OTOA: variants seen among roughly 807,000 people sequenced by gnomAD.
OTOA encodes cancer/testis antigen 108.
OTOA carries 70 observed loss-of-function variants against 110.8 expected under a neutral mutation model. That is an observed-to-expected ratio of 0.63 (90% CI 0.52 to 0.77). The LOEUF is 0.77. Ranked by LOEUF, OTOA falls within the 30% of genes least tolerant of loss-of-function variation. The pLI, the probability that OTOA is intolerant of heterozygous loss-of-function variation, is 0.00. For missense variants in OTOA, 917 were observed against 1,075.8 expected, an observed-to-expected ratio of 0.85 and a Z score of 2.06; for synonymous variants, 373 against 431.5, an observed-to-expected ratio of 0.86 and a Z score of 1.68.
Position 21,760,557 on chromosome 16 carries a change from G to A in OTOA, c.*17G>A, listed in dbSNP as rs375088130. On this transcript the variant is annotated 3_prime_UTR_variant, in exon 29 of 29. Transcript: ENST00000646100. ...CTGTGGTGAGTGGCCTGAGCGCATC[G>A]TCCTGTGTTGCCCCAAGCAGCTGGC... The A allele has an allele frequency of 1.8e-3, 2,946 of 1,599,736 alleles. 13 individuals carry two copies. The highest frequency in any genetic ancestry group is 2.5e-3 in the South Asian group (229 of 90,742).
At chr16:21,715,282 C>T (rs1708469630) in intron 14 of OTOA, 130 bp downstream of exon 14, 2 of 1,223,310 alleles carry the variant, frequency 1.6e-6, no homozygotes, top group Non-Finnish European at 2.4e-6. Context: ...TCTGGGGTGG[C>T]TCTGCCTTCT....
chr16:21,707,048 A>G (rs2141683149), intron 12 of OTOA, among the ~76,000 whole-genome samples: 1 of 151,724 alleles, frequency 6.6e-6, no homozygotes, highest in Non-Finnish European at 1.5e-5. Flanking sequence ...TGTTTTTAGT[A>G]GAGATGGGGT....
Position 21,691,628 on chromosome 16 carries a change from C to A in OTOA, c.680C>A (p.Ser227Tyr), listed in dbSNP as rs150595232. 5.3e-5 allele frequency: 86 copies of A among 1,613,860 alleles called. No homozygotes were observed. Among genetic ancestry groups the A allele is most frequent in the Non-Finnish European group, 7.0e-5 (83 of 1,179,936 alleles). ...KDLYDKTSAH[S>Y]QRALYSWMTG... is the part of the protein sequence containing the mutation. ...CTCTACGACAAAACCTCGGCTCATT[C>A]CCAGAGAGCTCTCTATTCCTGGATG... Residue 227 changes from serine (S) to tyrosine (Y), a missense_variant, in exon 9 of 29, where the codon TCC becomes TAC. By Grantham distance (144) the Ser-to-Tyr change is moderately radical. Transcript: ENST00000646100.
At chr16:21,696,091 C>T (rs1369108681) in intron 9 of OTOA, among the ~76,000 whole-genome samples, 4 of 151,254 alleles carry the variant, frequency 2.6e-5, no homozygotes, top group Non-Finnish European at 5.9e-5. Context: ...GATGGGGTTT[C>T]GCCATGTTGA....
chr16:21,669,512 C>A (rs532514386), intron 1 of OTOA, among the ~76,000 whole-genome samples: 129 of 152,268 alleles, frequency 8.5e-4, no homozygotes, highest in African/African-American at 2.9e-3. Context: ...AAAGGCTTCT[C>A]AAGCTTAGTA....
At chr16:21,758,929 G>A (rs1900080081) in intron 28 of OTOA, among the ~76,000 whole-genome samples, 1 of 151,676 alleles carries the variant, frequency 6.6e-6, no homozygotes, top group African/African-American at 2.4e-5. Flanking sequence ...TTGAACACTG[G>A]GGGCAGAGGT....
intron 1 of OTOA, among the ~76,000 whole-genome samples, chr16:21,671,169 G>A (rs1477029545): frequency 2.6e-5 from 4 of 152,118 alleles, no homozygotes; most frequent in Admixed American, 6.5e-5. Flanking sequence ...CTGACTTTGT[G>A]TCAAGCCCTG....
At chr16:21,734,302 TA>T (rs1263919657) in intron 21 of OTOA, among the ~76,000 whole-genome samples, 1 of 149,368 alleles carries the variant, frequency 6.7e-6, no homozygotes, top group South Asian at 2.2e-4. Flanking sequence ...TTCTTACTTA[TA>T]AGTGGGAGCT....
chr16:21,710,070 C>T lies in OTOA; in HGVS notation c.1287C>T (p.Ile429=). ...CAGGTTGGGCCAAGAGCCAGGTCAT[C>T]ATCTTGTCTGCCAAATACTTGGCCC... ...QVSGWAKSQV[I]ILSAKYLAHE... Residue 429 remains isoleucine (I), a synonymous_variant, in exon 13 of 29, where the codon ATC becomes ATT. Coordinates refer to ENST00000646100, the MANE Select transcript of OTOA (RefSeq NM_144672.4). 2 of 1,613,878 alleles carry T rather than the reference C, an allele frequency of 1.2e-6. No homozygotes were observed. The highest frequency in any genetic ancestry group is 1.7e-6 in the Non-Finnish European group (2 of 1,179,922).
At chr16:21,737,836 T>A (rs1287850369) in intron 22 of OTOA, among the ~76,000 whole-genome samples, 1 of 152,312 alleles carries the variant, frequency 6.6e-6, no homozygotes, top group Non-Finnish European at 1.5e-5. Flanking sequence ...GATATTTTAT[T>A]ATTATTACCA....
chr16:21,676,495 T>C (rs930861820), intron 1 of OTOA, among the ~76,000 whole-genome samples: 1 of 152,204 alleles, frequency 6.6e-6, no homozygotes, highest in Non-Finnish European at 1.5e-5. Flanking sequence ...TGTTCTTTGA[T>C]GATTGACCCT....
chr16:21,713,004 C>T (rs1204495947), intron 13 of OTOA, among the ~76,000 whole-genome samples: 1 of 152,014 alleles, frequency 6.6e-6, no homozygotes, highest in South Asian at 2.1e-4. Flanking sequence ...CACTATGTTG[C>T]CCAGGCTGGA....
At chr16:21,714,371 CTCTCT>C (rs1898469466) in intron 13 of OTOA, among the ~76,000 whole-genome samples, 2 of 105,984 alleles carry the variant, frequency 1.9e-5, no homozygotes, top group Admixed American at 1.0e-4. Context: ...CTTTCTTTCT[CTCTCT>C]TTCTCTCTTT....
intron 15 of OTOA, among the ~76,000 whole-genome samples, chr16:21,717,451 A>AT (rs1898593161): frequency 6.6e-6 from 1 of 152,130 alleles, no homozygotes; most frequent in Admixed American, 6.6e-5. Flanking sequence ...TTAAAAAAAA[A>AT]GTTAGACAAG....
intron 18 of OTOA, 142 bp from the exon 19 acceptor site, chr16:21,726,381 G>A (rs1334026658): frequency 3.4e-6 from 4 of 1,172,856 alleles, no homozygotes; most frequent in Non-Finnish European, 5.0e-6. Context: ...GCTACCTGCT[G>A]CAGGGAGCCA....
In OTOA at chr16:21,674,896, CT is replaced by C. The variant is rs60269668; in HGVS notation, c.-4-3589del. On this transcript the variant is annotated intron_variant, in intron 1 of 28. Transcript: ENST00000646100. ...TTTTTGCTGGATTTTTTTTAAAAAT[CT>C]TTTTTTTTTTTTTTTTTTTTTTTTT... 2.5e-3 allele frequency among the ~76,000 whole-genome samples: 74 copies of C among 29,778 alleles called. 1 individual carries two copies. Among genetic ancestry groups the C allele is most frequent in the Middle Eastern group, 0.018 (1 of 56 alleles). The allele number at this position is 29,778 out of a possible 152,430, so 19.5% of individuals were successfully genotyped here.
intron 12 of OTOA, among the ~76,000 whole-genome samples, chr16:21,705,837 G>T (rs1455248364): frequency 6.6e-6 from 1 of 152,124 alleles, no homozygotes; most frequent in Non-Finnish European, 1.5e-5. Context: ...TACTCAGGAG[G>T]CTGAGGCAGG....
intron 5 of OTOA, 81 bp from the exon 6 acceptor site, chr16:21,681,656 TC>T: frequency 1.7e-6 from 2 of 1,178,274 alleles, no homozygotes; most frequent in Non-Finnish European, 1.3e-6. Context: ...TCCCTACCTG[TC>T]CCCTGGGCAC....
rs190283034 is a variant in OTOA, at chr16:21,704,879, T to C, written c.981-290T>C. The C allele has an allele frequency of 3.2e-4, 251 of 774,746 alleles. 2 individuals are homozygous for C. In the African/African-American group the frequency reaches 3.5e-3, roughly 11 times the overall value. The allele number at this position is 774,746 out of a possible 1,614,324, so 48.0% of individuals were successfully genotyped here. On this transcript the variant is annotated intron_variant, in intron 11 of 28. Coordinates refer to ENST00000646100, the MANE Select transcript of OTOA (RefSeq NM_144672.4). ...GGTGATGCTGGGAGGTGTGATCTGA[T>C]TGGATCATGCCATGAGGTGATGCCA...
Sources: gnomAD v4.1 joint callset for allele counts (sites outside exome capture counted in the v4.1 genomes callset) on GRCh38, gnomAD v4.1.1 for gene constraint, MANE v1.5 for transcripts, NCBI Gene and HGNC (gene_info 2026-07-23, HGNC 2026-07-21) for gene names.